The following ACSBG2 variants were observed in gnomAD, a reference collection of about 807,000 sequenced individuals.
ACSBG2 encodes the protein long-chain-fatty-acid--CoA ligase ACSBG2.
In ACSBG2, 62 loss-of-function variants were observed where a neutral mutation model predicts 74.7. That is an observed-to-expected ratio of 0.83 (90% CI 0.68 to 1.03). ACSBG2 has a LOEUF of 1.03. Among genes scored for constraint, ACSBG2 ranks in the 50% least tolerant of loss-of-function variants. The pLI is 0.00. For missense variants in ACSBG2, 730 were observed against 817.6 expected (o/e 0.89, Z 1.31); for synonymous variants, 309 against 294.1 (o/e 1.05, Z -0.52).
intron 12 of ACSBG2, 75 bp downstream of exon 12, chr19:6,187,497 A>T (rs2090441310): frequency 1.9e-6 from 3 of 1,603,310 alleles, no homozygotes; most frequent in African/African-American, 1.3e-5. Flanking sequence ...CCCAGGGTCA[A>T]GAGGATGCAT....
rs777450290 is a variant in ACSBG2 at position 6,185,572 on chromosome 19, G to C, written c.1459G>C (p.Asp487His). The C allele has an allele frequency of 6.2e-7, 1 of 1,614,192 alleles. No homozygotes were observed. Among genetic ancestry groups the C allele is most frequent in the Admixed American group, 1.7e-5 (1 of 60,026 alleles). ...ESETETTEAIDDEGWLHSGDL... is the reference protein window; with the variant it reads ...ESETETTEAIHDEGWLHSGDL... ...TGAGACTGAAACTACAGAGGCCATC[G>C]ATGATGAAGGCTGGCTACACTCTGG... is the stretch of plus-strand genomic sequence containing the variant. Residue 487 changes from aspartate (D) to histidine (H), a missense_variant, in exon 11 of 15, where the codon GAT becomes CAT. Coordinates refer to ENST00000588485, the MANE Select transcript of ACSBG2 (RefSeq NM_030924.5).
chr19:6,143,762 G>T (rs947138214), intron 2 of ACSBG2, among the ~76,000 whole-genome samples: 1 of 152,126 alleles, frequency 6.6e-6, no homozygotes, highest in Non-Finnish European at 1.5e-5. Flanking sequence ...TTCTTTGTGA[G>T]CTGGTGCTGA....
At chr19:6,172,502 G>A (rs1349853458) in intron 7 of ACSBG2, among the ~76,000 whole-genome samples, 4 of 151,392 alleles carry the variant, frequency 2.6e-5, no homozygotes, top group Non-Finnish European at 5.9e-5. Context: ...AGTGGCTAAG[G>A]TCTGTACGGG....
chr19:6,164,074 C>T (rs182987856), intron 6 of ACSBG2, among the ~76,000 whole-genome samples: 67 of 152,312 alleles, frequency 4.4e-4, no homozygotes, highest in Non-Finnish European at 7.6e-4. Flanking sequence ...ATGAACTGTG[C>T]CAGTTGTGAT....
chr19:6,172,926 C>T (rs552355671), intron 7 of ACSBG2, among the ~76,000 whole-genome samples: 25 of 152,204 alleles, frequency 1.6e-4, no homozygotes, highest in Admixed American at 3.9e-4. Context: ...GAATGCAGTC[C>T]GCTTCTCTAT....
rs1208727360 is a variant in ACSBG2, at chr19:6,163,221, G to A, written c.588+1926G>A. 4.2e-5 allele frequency among the ~76,000 whole-genome samples: 4 copies of A among 94,464 alleles called. 1 individual carries two copies. Among genetic ancestry groups the A allele is most frequent in the African/African-American group, 8.9e-5 (3 of 33,616 alleles). The allele number at this position is 94,464 out of a possible 152,430, so 62.0% of individuals were successfully genotyped here. A position where few individuals can be genotyped will look rare whatever the true frequency, so the allele number is the denominator to read the frequency against. ...TCCCAGCACTTTGGGAGGCTGAGGC[G>A]GGCAGATCATGAGGTCAGGAGGTAC... On this transcript the variant is annotated intron_variant, in intron 6 of 14. Transcript: ENST00000588485.
intron 7 of ACSBG2, among the ~76,000 whole-genome samples, chr19:6,168,176 C>A (rs1388562567): frequency 6.6e-6 from 1 of 152,140 alleles, no homozygotes; most frequent in African/African-American, 2.4e-5. Flanking sequence ...CCTCTCTCCC[C>A]CTTGCTCACT....
At chr19:6,171,437 T>C (rs1028974780) in intron 7 of ACSBG2, among the ~76,000 whole-genome samples, 84 of 151,888 alleles carry the variant, frequency 5.5e-4, no homozygotes, top group African/African-American at 1.9e-3. Context: ...TTACATTTGC[T>C]TATCTGAGAA....
chr19:6,152,550 A>AGT (rs1477681340), intron 4 of ACSBG2, among the ~76,000 whole-genome samples: 3 of 18,112 alleles, frequency 1.7e-4, no homozygotes, highest in African/African-American at 3.8e-4. Flanking sequence ...TCGGCCTCCC[A>AGT]ATTTTTTTTT....
chr19:6,190,812 T>TACATACAC (rs2090543132), intron 14 of ACSBG2, 120 bp downstream of exon 14: 3 of 336,820 alleles, frequency 8.9e-6, no homozygotes, highest in East Asian at 1.3e-4. Flanking sequence ...CACACATACA[T>TACATACAC]ACACACACAC....
chr19:6,173,425 C>T (rs1194749568), intron 7 of ACSBG2, among the ~76,000 whole-genome samples: 2 of 152,134 alleles, frequency 1.3e-5, no homozygotes, highest in African/African-American at 4.8e-5. Context: ...CTGGGAAGTT[C>T]TCTAATCAGC....
intron 2 of ACSBG2, among the ~76,000 whole-genome samples, chr19:6,144,145 G>A (rs985188407): frequency 3.3e-5 from 5 of 152,030 alleles, no homozygotes; most frequent in Admixed American, 1.3e-4. Flanking sequence ...CAACAGGCGC[G>A]TGCCACCACG....
intron 1 of ACSBG2, among the ~76,000 whole-genome samples, chr19:6,138,621 GGGAGGAAGAAAGA>G (rs1258704213): frequency 0.45 from 41,999 of 92,306 alleles, 9,748 homozygotes; most frequent in Admixed American, 0.5. Context: ...AGGAAGGAAG[GGGAGGAAGAAAGA>G]AAGGAAGGGA....
chr19:6,161,280 C>G lies in ACSBG2; in HGVS notation c.573C>G (p.Asn191Lys), dbSNP rs776766472. The change falls in exon 6 of 15, where the codon AAC becomes AAG. Residue 191 changes from asparagine (N) to lysine (K), a missense_variant. Asn to Lys is a moderately conservative substitution (Grantham distance 94). Coordinates refer to ENST00000588485, the MANE Select transcript of ACSBG2 (RefSeq NM_030924.5). Reference protein sequence around the residue: ...IIQYRLPMKKNNNLYSWDDFM... With the variant: ...IIQYRLPMKKKNNLYSWDDFM... ...AGTACAGACTGCCAATGAAGAAGAA[C>G]AACAACTTGTACTCTGTAAGTGTGG... 5 of 1,612,674 alleles carry G rather than the reference C, an allele frequency of 3.1e-6. No individual in the cohort carries two copies. Among genetic ancestry groups the G allele is most frequent in the Admixed American group, 1.7e-5 (1 of 59,946 alleles).
chr19:6,148,647 GA>G (rs55936682), intron 3 of ACSBG2, among the ~76,000 whole-genome samples: 8,634 of 145,630 alleles, frequency 0.059, 768 homozygotes, highest in African/African-American at 0.2. Flanking sequence ...GTGTCATAAA[GA>G]AAAAAAAAAA....
At chr19:6,142,325 G>A (rs891904815) in intron 2 of ACSBG2, among the ~76,000 whole-genome samples, 4 of 152,156 alleles carry the variant, frequency 2.6e-5, no homozygotes, top group African/African-American at 9.7e-5. Context: ...AAAGTCAAGG[G>A]ACATGGTGAC....
At chr19:6,156,120 A>G (rs2145085843) in intron 4 of ACSBG2, among the ~76,000 whole-genome samples, 1 of 152,220 alleles carries the variant, frequency 6.6e-6, no homozygotes, top group Middle Eastern at 3.4e-3. Flanking sequence ...TTCAGATCCT[A>G]GGTCTAACAC....
chr19:6,173,815 T>C (rs556367728), intron 7 of ACSBG2, among the ~76,000 whole-genome samples: 5 of 152,290 alleles, frequency 3.3e-5, no homozygotes, highest in African/African-American at 1.2e-4. Flanking sequence ...ACCACAAGGC[T>C]TTCCACAATA....
At chr19:6,153,054 T>C (rs1009277100) in intron 4 of ACSBG2, among the ~76,000 whole-genome samples, 2 of 151,906 alleles carry the variant, frequency 1.3e-5, no homozygotes, top group Admixed American at 1.3e-4. Context: ...CCATCCTGGC[T>C]AACATGCTGA....
Sources: allele counts gnomAD v4.1 joint callset (sites outside exome capture counted in the v4.1 genomes callset), GRCh38; gene constraint gnomAD v4.1.1; transcripts MANE v1.5; gene names NCBI Gene and HGNC (gene_info 2026-07-23, HGNC 2026-07-21).